Variants in IQGAP3 observed in about 807,000 individuals in gnomAD.
IQGAP3 encodes the protein IQ motif containing GTPase activating protein 3.
IQGAP3 carries 165 observed loss-of-function variants against 208.2 expected under a neutral mutation model. That is an observed-to-expected ratio of 0.79 (90% CI 0.70 to 0.90). The LOEUF (loss-of-function observed/expected upper bound fraction) is 0.90, where lower values mean the gene tolerates loss of function less well. IQGAP3 is among the 40% of genes least tolerant of loss of function. The pLI is 0.00. For missense variants in IQGAP3, 1,811 were observed against 2,043.1 expected (o/e 0.89, Z 2.19); for synonymous variants, 703 against 803.6 (o/e 0.87, Z 2.12).
chr1:156,551,304 A>G (rs1486384311), intron 15 of IQGAP3, among the ~76,000 whole-genome samples: 1 of 152,078 alleles, frequency 6.6e-6, no homozygotes, highest in Non-Finnish European at 1.5e-5. Flanking sequence ...ACTGCAACAT[A>G]CTCAGGGTGT....
chr1:156,548,035 C>T, intron 19 of IQGAP3, 38 bp downstream of exon 19: 2 of 1,588,306 alleles, frequency 1.3e-6, no homozygotes, highest in Non-Finnish European at 1.7e-6. Flanking sequence ...CCCAGATAAG[C>T]CCAGGCCCTG....
At chr1:156,552,326 C>A (rs1675594166) in intron 13 of IQGAP3, among the ~76,000 whole-genome samples, 1 of 152,206 alleles carries the variant, frequency 6.6e-6, no homozygotes, top group East Asian at 1.9e-4. Flanking sequence ...TCTCTCCATA[C>A]TTACATTGTA....
rs1013823557 is a variant in IQGAP3 at position 156,531,221 on chromosome 1, A to G, written c.4130T>C (p.Ile1377Thr). ...GAGGGTGTCCCCAGGATGGAACTGT[A>G]TGATATCGGCCAACAGCTGCTTGGT... ...LSTKQLLADIIQFHPGDTLKE... is the reference protein window; with the variant it reads ...LSTKQLLADITQFHPGDTLKE... Residue 1377 changes from isoleucine (I) to threonine (T), a missense_variant, in exon 33 of 38, where the codon ATA (isoleucine) becomes ACA (threonine). Ile to Thr is a moderately conservative substitution (Grantham distance 89, BLOSUM62 -1). Transcript: ENST00000361170. 1 of 1,613,890 alleles carries G rather than the reference A, an allele frequency of 6.2e-7. No individual in the cohort carries two copies. Among genetic ancestry groups the G allele is most frequent in the Non-Finnish European group, 8.5e-7 (1 of 1,179,872 alleles).
At position 156,539,376 on chromosome 1, in the gene IQGAP3, G is replaced by C. The variant is rs757777531; in HGVS notation, c.3054C>G (p.Ile1018Met). The C allele has an allele frequency of 7.4e-6, 12 of 1,613,570 alleles. No individual in the cohort carries two copies. The highest frequency in any genetic ancestry group is 8.5e-6 in the Non-Finnish European group (10 of 1,179,864). The change falls in exon 25 of 38, where the codon ATC becomes ATG. Residue 1018 changes from isoleucine (I) to methionine (M), a missense_variant and splice_region_variant. Physicochemically the swap from Ile to Met is conservative, Grantham distance 10. Coordinates refer to ENST00000361170, the MANE Select transcript of IQGAP3 (RefSeq NM_178229.5). ...TCCTTTGTGTCTGGAGAGCCTACTTGATTTCCTCCTGGAGTGCTGTCTTGA... is the reference window on the plus strand; with the variant it reads ...TCCTTTGTGTCTGGAGAGCCTACTTCATTTCCTCCTGGAGTGCTGTCTTGA... Reference protein sequence around the residue: ...QLFKTALQEEIKSKVEQPQDV... With the variant: ...QLFKTALQEEMKSKVEQPQDV...
rs867725659 is a variant in IQGAP3 at position 156,565,498 on chromosome 1, G to T, written c.360+529C>A. Among the ~76,000 whole-genome samples the T allele has an allele frequency of 3.9e-5, 6 of 152,310 alleles. No homozygotes were observed. In the Middle Eastern group the frequency reaches 0.014, roughly 345 times the overall value. On this transcript the variant is annotated intron_variant, in intron 4 of 37. Coordinates refer to ENST00000361170, the MANE Select transcript of IQGAP3 (RefSeq NM_178229.5). ...GTAGAATCCTATCATGCCTTCATTT[G>T]TATAGCTCTTCACAGTTCACAAAGG...
intron 11 of IQGAP3, among the ~76,000 whole-genome samples, chr1:156,560,340 A>G (rs1324507632): frequency 6.6e-6 from 1 of 151,996 alleles, no homozygotes; most frequent in Non-Finnish European, 1.5e-5. Flanking sequence ...GAAGAACCCT[A>G]CCTCTACTAA....
chr1:156,551,907 A>C, intron 14 of IQGAP3, 39 bp from the exon 15 acceptor site: 1 of 1,597,838 alleles, frequency 6.3e-7, no homozygotes, highest in Non-Finnish European at 8.5e-7. Context: ...GGGCCCCTAG[A>C]CTTAATGGCT....
chr1:156,538,750 C>T, intron 26 of IQGAP3, 59 bp downstream of exon 26: 1 of 1,459,188 alleles, frequency 6.9e-7, no homozygotes. Context: ...GGGTCCAAGA[C>T]ACAGCTGATC....
In IQGAP3 at chr1:156,540,634, A is replaced by G. The variant is rs1193517996; in HGVS notation, c.2739+74T>C. ...ACATTTTGAAAAAAATTGATTAGCA[A>G]GCAGAGAATGGTCAGCATCACATCT... On this transcript the variant is annotated intron_variant, in intron 23 of 37. Transcript: ENST00000361170. 2.2e-6 allele frequency: 3 copies of G among 1,352,348 alleles called. No individual in the cohort carries two copies. The Admixed American group carries it at 5.4e-5, about 24-fold the overall frequency. 83.8% of individuals were successfully genotyped at this position (1,352,348 alleles called of 1,614,324 possible). A position where few individuals can be genotyped will look rare whatever the true frequency, so the allele number is the denominator to read the frequency against.
chr1:156,553,587 T>C (rs1176801430), intron 13 of IQGAP3, among the ~76,000 whole-genome samples: 2 of 148,012 alleles, frequency 1.4e-5, no homozygotes, highest in Non-Finnish European at 3.0e-5. Flanking sequence ...TTTCTTTTTT[T>C]TTTTTTTTTT....
chr1:156,570,481 G>A (rs1259306047), intron 1 of IQGAP3, among the ~76,000 whole-genome samples: 1 of 152,146 alleles, frequency 6.6e-6, no homozygotes, highest in African/African-American at 2.4e-5. Context: ...AGCCATGATC[G>A]TGCCACTGCA....
intron 29 of IQGAP3, 79 bp downstream of exon 29, chr1:156,534,422 T>G: frequency 8.8e-7 from 1 of 1,133,584 alleles, no homozygotes; most frequent in Non-Finnish European, 1.3e-6. Context: ...CTTGTCCTCA[T>G]GGATTCTGGA....
intron 19 of IQGAP3, among the ~76,000 whole-genome samples, chr1:156,544,973 C>T (rs1427761728): frequency 1.3e-5 from 2 of 152,190 alleles, no homozygotes; most frequent in Non-Finnish European, 2.9e-5. Flanking sequence ...TGTACAGGCA[C>T]AGAGCCGTGT....
At chr1:156,531,603 G>GTTTT (rs34783419) in intron 32 of IQGAP3, among the ~76,000 whole-genome samples, 3 of 120,556 alleles carry the variant, frequency 2.5e-5, no homozygotes, top group African/African-American at 6.4e-5. Flanking sequence ...CAGCTCACTT[G>GTTTT]TTTTTTTTTT....
intron 31 of IQGAP3, 35 bp downstream of exon 31, chr1:156,533,738 C>A: frequency 6.4e-7 from 1 of 1,561,766 alleles, no homozygotes; most frequent in South Asian, 1.1e-5. Context: ...ATGCAGGTCC[C>A]CTAGCTGGCC....
In IQGAP3 at chr1:156,534,582, G is replaced by A. The variant is rs750045432; in HGVS notation, c.3659C>T (p.Ala1220Val). 29 of 1,612,038 alleles carry A rather than the reference G, an allele frequency of 1.8e-5. No individual in the cohort carries two copies. The highest frequency in any genetic ancestry group is 2.2e-5 in the East Asian group (1 of 44,836). The change falls in exon 29 of 38, where the codon GCG becomes GTG. Residue 1220 changes from alanine (A) to valine (V), a missense_variant. By Grantham distance (64) the Ala-to-Val change is moderately conservative. Coordinates refer to ENST00000361170, the MANE Select transcript of IQGAP3 (RefSeq NM_178229.5). ...CTGCCCAGAGAAGGCCTTGCCAGCC[G>A]CAGCGTGCTGTAGGAGCTGAGCCAC... ...GAVAQLLQHAAAGKAFSGQSQ... is the reference protein window; with the variant it reads ...GAVAQLLQHAVAGKAFSGQSQ...
intron 34 of IQGAP3, 38 bp downstream of exon 34, chr1:156,530,061 CACACGT>C: frequency 1.4e-6 from 2 of 1,458,532 alleles, no homozygotes. Flanking sequence ...CGCACACACA[CACACGT>C]ACACACAGGC....
At position 156,566,345 on chromosome 1, in the gene IQGAP3, T is replaced by C. The variant is rs373979734; in HGVS notation, c.282+45A>G. The C allele has an allele frequency of 1.6e-5, 26 of 1,590,530 alleles. No homozygotes were observed. In the African/African-American group the frequency reaches 2.4e-4, roughly 15 times the overall value. ...CCCTCACAGCTTTGAGGAGAAAGCA[T>C]AGTTTGAGGGGACGAAGGTAGAAGG... On this transcript the variant is annotated intron_variant, in intron 3 of 37. Coordinates refer to ENST00000361170, the MANE Select transcript of IQGAP3 (RefSeq NM_178229.5).
chr1:156,560,255 AAT>A (rs756671839), intron 11 of IQGAP3, among the ~76,000 whole-genome samples: 5 of 151,726 alleles, frequency 3.3e-5, no homozygotes, highest in Non-Finnish European at 5.9e-5. Flanking sequence ...TCATACCTGT[AAT>A]CCCCAGCACT....
Sources: allele counts gnomAD v4.1 joint callset (sites outside exome capture counted in the v4.1 genomes callset), GRCh38; gene constraint gnomAD v4.1.1; transcripts MANE v1.5; gene names NCBI Gene and HGNC (gene_info 2026-07-23, HGNC 2026-07-21).